The following CTNNAL1 variants were observed in gnomAD, a reference collection of about 807,000 sequenced individuals.
CTNNAL1 encodes the protein alpha-catulin.
CTNNAL1 carries 69 observed loss-of-function variants against 93.6 expected under a neutral mutation model. The ratio of observed to expected loss-of-function variants is 0.74; its 90% confidence interval spans 0.61 to 0.90. The LOEUF (loss-of-function observed/expected upper bound fraction) is 0.90. Among genes scored for constraint, CTNNAL1 ranks in the 40% least tolerant of loss-of-function variants. The probability of loss-of-function intolerance (pLI) is 0.00; values close to 1 mark genes in which losing one functional copy is unlikely to be tolerated. For synonymous variants in CTNNAL1, 286 were observed against 305.4 expected, an observed-to-expected ratio of 0.94 and a Z score of 0.66; for missense variants, 836 against 862.0, an observed-to-expected ratio of 0.97 and a Z score of 0.38.
chr9:108,955,120 G>A (rs140334562), intron 12 of CTNNAL1, among the ~76,000 whole-genome samples: 249 of 152,054 alleles, frequency 1.6e-3, no homozygotes, highest in Non-Finnish European at 2.6e-3. Context: ...CTGCCACCAC[G>A]CCTGGCTAAT....
At chr9:108,984,145 C>G (rs1446153903) in intron 5 of CTNNAL1, among the ~76,000 whole-genome samples, 1 of 152,184 alleles carries the variant, frequency 6.6e-6, no homozygotes, top group Non-Finnish European at 1.5e-5. Context: ...TCAATCAAAG[C>G]TGACTCATAA....
intron 11 of CTNNAL1, among the ~76,000 whole-genome samples, chr9:108,963,809 G>A (rs1003900204): frequency 2.0e-5 from 3 of 152,208 alleles, no homozygotes; most frequent in East Asian, 1.9e-4. Context: ...CCCAGAAGTC[G>A]AAAGTACACT....
intron 14 of CTNNAL1, 145 bp downstream of exon 14, chr9:108,952,064 G>A (rs1472703939): frequency 2.5e-5 from 16 of 627,496 alleles, no homozygotes; most frequent in South Asian, 5.0e-5. Flanking sequence ...ATTCACTTAC[G>A]TAAATTGTCA....
intron 1 of CTNNAL1, among the ~76,000 whole-genome samples, chr9:109,009,488 G>A (rs567972144): frequency 4.3e-4 from 66 of 152,174 alleles, no homozygotes; most frequent in Non-Finnish European, 8.2e-4. Context: ...AATGCCAATT[G>A]TCATTTACCG....
rs189914980 is a variant in CTNNAL1, at chr9:109,004,492, T to C, written c.142-5236A>G. On this transcript the variant is annotated intron_variant, in intron 1 of 18. Transcript: ENST00000325551. ...TATTGCCTTCTCTGACTTATAATGTTAGTAAGAAGAGTTGGCTGGGCGCAG... is the reference window on the plus strand; with the variant it reads ...TATTGCCTTCTCTGACTTATAATGTCAGTAAGAAGAGTTGGCTGGGCGCAG... Among the ~76,000 whole-genome samples the C allele has an allele frequency of 1.3e-3, 205 of 152,296 alleles. No individual in the cohort carries two copies. The Middle Eastern group carries it at 0.014, about 10-fold the overall frequency.
In CTNNAL1 at chr9:108,955,864, A is replaced by G. The variant is rs763221855; in HGVS notation, c.1592-37T>C. 14 of 1,350,814 alleles carry G rather than the reference A, an allele frequency of 1.0e-5. No homozygotes were observed. The East Asian group carries it at 3.7e-4, about 36-fold the overall frequency. The allele number at this position is 1,350,814 out of a possible 1,614,324, so 83.7% of individuals were successfully genotyped here. A position where few individuals can be genotyped will look rare whatever the true frequency, so the allele number is the denominator to read the frequency against. On this transcript the variant is annotated intron_variant, in intron 11 of 18. Transcript: ENST00000325551. ...ACATATAACTTAAAAAATTTTTTCT[A>G]TTAATATATTTTTCTATTATTCATA...
At chr9:109,011,938 G>A (rs1256870660) in intron 1 of CTNNAL1, among the ~76,000 whole-genome samples, 2 of 152,182 alleles carry the variant, frequency 1.3e-5, no homozygotes, top group African/African-American at 4.8e-5. Flanking sequence ...TTATCTCTCT[G>A]CCTCTTAAAA....
intron 14 of CTNNAL1, among the ~76,000 whole-genome samples, chr9:108,950,303 A>T (rs1587943824): frequency 6.6e-6 from 1 of 152,220 alleles, no homozygotes; most frequent in South Asian, 2.1e-4. Context: ...TCAGATTTTA[A>T]AAAGGTATGA....
At chr9:109,002,886 G>A (rs1035497304) in intron 1 of CTNNAL1, among the ~76,000 whole-genome samples, 5 of 151,820 alleles carry the variant, frequency 3.3e-5, no homozygotes, top group Non-Finnish European at 7.4e-5. Flanking sequence ...CCAGCTTCTC[G>A]AGAGGCTGAG....
intron 7 of CTNNAL1, among the ~76,000 whole-genome samples, chr9:108,978,052 C>T (rs994160285): frequency 3.9e-5 from 6 of 152,266 alleles, no homozygotes; most frequent in South Asian, 2.1e-4. Context: ...GAAATATGCA[C>T]GGGTAAATTT....
chr9:108,978,554 G>A (rs1469461090), intron 7 of CTNNAL1, among the ~76,000 whole-genome samples: 2 of 152,296 alleles, frequency 1.3e-5, no homozygotes, highest in African/African-American at 4.8e-5. Flanking sequence ...AATAATGCTA[G>A]AGACATGTCC....
intron 2 of CTNNAL1, 110 bp downstream of exon 2, chr9:108,998,957 G>T: frequency 1.6e-6 from 2 of 1,287,092 alleles, no homozygotes; most frequent in Non-Finnish European, 2.1e-6. Context: ...GTCTGAGGCA[G>T]ACATAATCAA....
At chr9:108,953,527 A>G (rs1830618213) in intron 12 of CTNNAL1, among the ~76,000 whole-genome samples, 1 of 152,134 alleles carries the variant, frequency 6.6e-6, no homozygotes, top group Non-Finnish European at 1.5e-5. Flanking sequence ...CAATAAAACA[A>G]AACACTCATG....
intron 7 of CTNNAL1, among the ~76,000 whole-genome samples, chr9:108,978,283 C>T (rs574130738): frequency 2.1e-4 from 32 of 152,314 alleles, no homozygotes; most frequent in Middle Eastern, 6.8e-3. Context: ...GCAAGATTCC[C>T]TGTTAATAAG....
At chr9:108,972,864 G>GGGTTGCCC in intron 8 of CTNNAL1, 31 bp from the exon 9 acceptor site, 1 of 142,590 alleles carries the variant, frequency 7.0e-6, no homozygotes, top group Non-Finnish European at 1.0e-5. Context: ...GGGGGGGTGG[G>GGGTTGCCC]AGGGTGGAGA....
chr9:108,990,859 A>G lies in CTNNAL1; in HGVS notation c.520-14T>C. On this transcript the variant is annotated splice_polypyrimidine_tract_variant and intron_variant, in intron 3 of 18. Transcript: ENST00000325551. ...AGTTGCGAGAACCTGCAAAACAGAT[A>G]ATAATTCATTATTTGGTGAGAGCTA... The G allele has an allele frequency of 6.2e-7, 1 of 1,607,704 alleles. No homozygotes were observed. Among genetic ancestry groups the G allele is most frequent in the Non-Finnish European group, 8.5e-7 (1 of 1,177,668 alleles).
intron 10 of CTNNAL1, among the ~76,000 whole-genome samples, chr9:108,968,466 G>A (rs911876556): frequency 2.0e-5 from 3 of 152,204 alleles, no homozygotes; most frequent in African/African-American, 7.2e-5. Flanking sequence ...TGGCAAGCAG[G>A]GCCTGAGGAT....
At chr9:108,955,576 T>G (rs1360275030) in intron 12 of CTNNAL1, among the ~76,000 whole-genome samples, 2 of 152,174 alleles carry the variant, frequency 1.3e-5, no homozygotes, top group East Asian at 3.8e-4. Flanking sequence ...ATGTTACCTA[T>G]TCTCTCAAAC....
In CTNNAL1 at chr9:108,972,727, G is replaced by T; in HGVS notation, c.1295C>A (p.Ala432Asp). 5.0e-6 allele frequency: 8 copies of T among 1,613,990 alleles called. No homozygotes were observed. Among genetic ancestry groups the T allele is most frequent in the Non-Finnish European group, 6.8e-6 (8 of 1,180,000 alleles). The change falls in exon 9 of 19, where the codon GCT becomes GAT. Residue 432 changes from alanine (A) to aspartate (D), a missense_variant. Transcript: ENST00000325551. ...GAGTTTACAGGCATATTCAGCCAAAGCTTCTAAATTTCCTTCTACTCCAGT... is the reference window on the plus strand; with the variant it reads ...GAGTTTACAGGCATATTCAGCCAAATCTTCTAAATTTCCTTCTACTCCAGT... The part of the protein sequence containing the change: ...KLTGVEGNLE[A>D]LAEYACKLSE...
Sources: gnomAD v4.1 joint callset for allele counts (sites outside exome capture counted in the v4.1 genomes callset) on GRCh38, gnomAD v4.1.1 for gene constraint, MANE v1.5 for transcripts, NCBI Gene and HGNC (gene_info 2026-07-23, HGNC 2026-07-21) for gene names.